SLC39A1: variants seen among roughly 807,000 people sequenced by gnomAD.
SLC39A1 encodes the protein solute carrier family 39 member 1, also known as zinc transporter ZIP1.
Under a neutral mutation model 21.4 loss-of-function variants are expected in SLC39A1, and 17 were observed. That is an observed-to-expected ratio of 0.79 (90% CI 0.54 to 1.19). The LOEUF (loss-of-function observed/expected upper bound fraction) is 1.19. Ranked by LOEUF, SLC39A1 falls within the 50% of genes most tolerant of loss-of-function variation. SLC39A1 has a pLI of 0.00. For missense variants in SLC39A1, 343 were observed against 399.8 expected (o/e 0.86, Z 1.21); for synonymous variants, 183 against 185.9 (o/e 0.98, Z 0.13).
At chr1:153,961,002 G>A (rs955444168) in intron 3 of SLC39A1, among the ~76,000 whole-genome samples, 1 of 152,206 alleles carries the variant, frequency 6.6e-6, no homozygotes, top group Non-Finnish European at 1.5e-5. Context: ...GGGGCCAGGG[G>A]CAGTGGCTCA....
chr1:153,960,200 G>C lies in SLC39A1; in HGVS notation c.873C>G (p.Ile291Met). ...GTFLYITFLE[I>M]LPQELASSEQ... ...CAGAACTGGCCAGCTCCTGGGGCAGGATTTCCAGAAAGGTGATATAGAGAA... is the reference window on the plus strand; with the variant it reads ...CAGAACTGGCCAGCTCCTGGGGCAGCATTTCCAGAAAGGTGATATAGAGAA... Residue 291 changes from isoleucine to methionine, a missense_variant, in exon 4 of 4, where the codon ATC (isoleucine) becomes ATG (methionine). Coordinates refer to ENST00000356205, the MANE Select transcript of SLC39A1 (RefSeq NM_001271958.2). The C allele has an allele frequency of 6.2e-7, 1 of 1,614,232 alleles. No homozygotes were observed. The highest frequency in any genetic ancestry group is 1.3e-5 in the African/African-American group (1 of 75,056).
Position 153,962,349 on chromosome 1 carries a change from A to G in SLC39A1, c.189T>C (p.Ala63=). 6.2e-7 allele frequency: 1 copy of G among 1,613,978 alleles called. No individual in the cohort carries two copies. The highest frequency in any genetic ancestry group is 1.7e-4 in the Middle Eastern group (1 of 6,018). Residue 63 remains alanine, a splice_region_variant and synonymous_variant, in exon 3 of 4, where the codon GCT becomes GCC. Coordinates refer to ENST00000356205, the MANE Select transcript of SLC39A1 (RefSeq NM_001271958.2). ...RRPGANHEGS[A]SRQKALSLVS... ...CTAGGCTCAGGGCTTTCTGGCGGGA[A>G]GCTGGGTAGGGGTGAAGCACAGAGG... is the stretch of plus-strand genomic sequence containing the variant.
In SLC39A1 at chr1:153,960,275, A is replaced by ACTCT. The variant is rs1169688373; in HGVS notation, c.797_798insAGAG (p.Leu267GlufsTer35). The ACTCT allele has an allele frequency of 6.2e-7, 1 of 1,614,108 alleles. No individual in the cohort carries two copies. The highest frequency in any genetic ancestry group is 1.7e-5 in the Admixed American group (1 of 60,026). ...GCACAGACTGGGCCAGCTGGTGCAG[A>ACTCT]GGTCCTGCCGACTCTGCCAGAGCTG... On this transcript the variant is annotated frameshift_variant, in exon 4 of 4. Coordinates refer to ENST00000356205, the MANE Select transcript of SLC39A1 (RefSeq NM_001271958.2). LOFTEE classifies it high-confidence loss of function.
upstream of SLC39A1, among the ~76,000 whole-genome samples, chr1:153,964,051 T>C (rs1028659630): frequency 2.0e-5 from 3 of 152,212 alleles, no homozygotes; most frequent in Non-Finnish European, 4.4e-5. Flanking sequence ...CAAGGCAGAA[T>C]TGGAAAGGGG....
Position 153,962,343 on chromosome 1 carries a change from G to A in SLC39A1, c.195C>T (p.Arg65=), listed in dbSNP as rs11554761. Residue 65 remains arginine, a synonymous_variant, in exon 3 of 4, where the codon CGC becomes CGT. Transcript: ENST00000356205. ...PGANHEGSAS[R]QKALSLVSCF... is the part of the protein sequence containing the mutation. The stretch of plus-strand genomic sequence containing the variant: ...AGCTTACTAGGCTCAGGGCTTTCTG[G>A]CGGGAAGCTGGGTAGGGGTGAAGCA... 1.9e-6 allele frequency: 3 copies of A among 1,614,066 alleles called. No individual in the cohort carries two copies. Among genetic ancestry groups the A allele is most frequent in the Non-Finnish European group, 2.5e-6 (3 of 1,179,982 alleles).
chr1:153,963,236 G>C (rs924938950), intron 1 of SLC39A1: 1 of 152,868 alleles, frequency 6.5e-6, no homozygotes, highest in African/African-American at 2.4e-5. Flanking sequence ...CCAGCGCAGA[G>C]AACAAGCGCT....
At chr1:153,960,833 A>C in intron 3 of SLC39A1, 79 bp from the exon 4 acceptor site, 1 of 1,408,048 alleles carries the variant, frequency 7.1e-7, no homozygotes. Flanking sequence ...AGTTACACAG[A>C]CCTAGGGTCT....
At chr1:153,962,446 C>T in intron 2 of SLC39A1, 83 bp downstream of exon 2, 1 of 1,575,892 alleles carries the variant, frequency 6.3e-7, no homozygotes, top group African/African-American at 1.3e-5. Flanking sequence ...GCCTTTCCCT[C>T]CTCCTTTGGT....
chr1:153,959,981 C>G lies in SLC39A1; in HGVS notation c.*117G>C. 2 of 1,302,590 alleles carry G rather than the reference C, an allele frequency of 1.5e-6. No individual in the cohort carries two copies. Among genetic ancestry groups the G allele is most frequent in the Non-Finnish European group, 2.1e-6 (2 of 949,098 alleles). 80.7% of individuals were successfully genotyped at this position (1,302,590 alleles called of 1,614,324 possible). The stretch of plus-strand genomic sequence containing the variant: ...GGCTCTATCTTTAGCTCCCAGAGAA[C>G]TTTTTGGTCCTCAGTATTTCCCTTC... On this transcript the variant is annotated 3_prime_UTR_variant, in exon 4 of 4. Transcript: ENST00000356205.
intron 3 of SLC39A1, among the ~76,000 whole-genome samples, chr1:153,960,990 T>A (rs1647383983): frequency 6.6e-6 from 1 of 152,158 alleles, no homozygotes; most frequent in Admixed American, 6.5e-5. Flanking sequence ...TATTAACATT[T>A]TGGGGCCAGG....
At chr1:153,960,784 A>C in intron 3 of SLC39A1, 30 bp from the exon 4 acceptor site, 1 of 1,585,602 alleles carries the variant, frequency 6.3e-7, no homozygotes, top group Non-Finnish European at 8.6e-7. Flanking sequence ...CAAAATGTTC[A>C]GGGAAGGAAG....
Position 153,960,362 on chromosome 1 carries a change from C to G in SLC39A1, c.711G>C (p.Gln237His). Residue 237 changes from glutamine to histidine, a missense_variant, in exon 4 of 4, where the codon CAG becomes CAC. Physicochemically the swap from Gln to His is conservative, Grantham distance 24. Transcript: ENST00000356205. ...AGAGGATCCCACAGCCAGCCACCAC[C>G]TGTGCCCTAAGGTGGCTCTGCAACA... ...LRLLQSHLRA[Q>H]VVAGCGILFS... 1 of 1,614,024 alleles carries G rather than the reference C, an allele frequency of 6.2e-7. No individual in the cohort carries two copies. Among genetic ancestry groups the G allele is most frequent in the Non-Finnish European group, 8.5e-7 (1 of 1,180,052 alleles).
At chr1:153,961,629 G>A (rs1226802988) in intron 3 of SLC39A1, among the ~76,000 whole-genome samples, 4 of 152,120 alleles carry the variant, frequency 2.6e-5, no homozygotes, top group Non-Finnish European at 5.9e-5. Context: ...GGAAACACAG[G>A]TCACTCAGTC....
chr1:153,960,785 G>A, intron 3 of SLC39A1, 31 bp from the exon 4 acceptor site: 2 of 1,585,548 alleles, frequency 1.3e-6, no homozygotes, highest in Non-Finnish European at 1.7e-6. Context: ...AAAATGTTCA[G>A]GGAAGGAAGA....
chr1:153,966,336 T>A (rs1647782830), upstream of SLC39A1, among the ~76,000 whole-genome samples: 1 of 152,204 alleles, frequency 6.6e-6, no homozygotes. Context: ...AGGGTAACCT[T>A]GAGAAAGTTA....
At chr1:153,963,938 A>G (rs567845836), upstream of SLC39A1, among the ~76,000 whole-genome samples, 1 of 152,362 alleles carries the variant, frequency 6.6e-6, no homozygotes, top group Admixed American at 6.5e-5. Context: ...GAAGGCTCTG[A>G]CACCTCGTCA....
upstream of SLC39A1, chr1:153,965,068 AC>A (rs1320846254): frequency 6.6e-6 from 1 of 152,222 alleles, no homozygotes; most frequent in Non-Finnish European, 1.5e-5. Context: ...TTATTTATAC[AC>A]ATACATATGT....
chr1:153,961,656 A>C (rs1647445997), intron 3 of SLC39A1, among the ~76,000 whole-genome samples: 1 of 152,202 alleles, frequency 6.6e-6, no homozygotes, highest in Non-Finnish European at 1.5e-5. Context: ...ACACAAAGGG[A>C]TACATCCAGT....
Position 153,960,075 on chromosome 1 carries a change from C to A in SLC39A1, c.*23G>T. The A allele has an allele frequency of 6.3e-7, 1 of 1,575,944 alleles. No homozygotes were observed. The highest frequency in any genetic ancestry group is 1.2e-5 in the South Asian group (1 of 85,002). On this transcript the variant is annotated 3_prime_UTR_variant, in exon 4 of 4. Transcript: ENST00000356205. ...ACAGGGGCACCTGATCATCAATCTC[C>A]CCTGCCCCTCTCTTGAAGCCCCCTA... is the stretch of plus-strand genomic sequence containing the variant.
Sources: gnomAD v4.1 joint callset for allele counts (sites outside exome capture counted in the v4.1 genomes callset) on GRCh38, gnomAD v4.1.1 for gene constraint, MANE v1.5 for transcripts, NCBI Gene and HGNC (gene_info 2026-07-23, HGNC 2026-07-21) for gene names.